The following WNT7A variants were observed in gnomAD, a reference collection of about 807,000 sequenced individuals.
WNT7A encodes the protein protein Wnt-7a.
Under a neutral mutation model 28.2 loss-of-function variants are expected in WNT7A, and 16 were observed. The ratio of observed to expected loss-of-function variants is 0.57; its 90% CI spans 0.38 to 0.86. The LOEUF is 0.86. Ranked by LOEUF, WNT7A falls within the 40% of genes least tolerant of loss-of-function variation. The pLI, the probability that WNT7A is intolerant of heterozygous loss-of-function variation, is 0.00. For missense variants in WNT7A, 411 were observed against 489.7 expected, an observed-to-expected ratio of 0.84 and a Z score of 1.52; for synonymous variants, 190 against 195.9, an observed-to-expected ratio of 0.97 and a Z score of 0.25.
At chr3:13,861,137 T>C (rs1694821661) in intron 2 of WNT7A, among the ~76,000 whole-genome samples, 1 of 152,182 alleles carries the variant, frequency 6.6e-6, no homozygotes, top group Non-Finnish European at 1.5e-5. Flanking sequence ...ACCATTCCAG[T>C]CCTACTGACT....
At position 13,854,572 on chromosome 3, in the gene WNT7A, C is replaced by T. The variant is rs779459302; in HGVS notation, c.530G>A (p.Arg177Gln). Reference sequence around the variant, plus strand: ...GTTGTTGTGCAAGTTCATGAGAGTCCGGGCATTCTGCTTGATCTCCCGGGC... The same window carrying T: ...GTTGTTGTGCAAGTTCATGAGAGTCTGGGCATTCTGCTTGATCTCCCGGGC... ...VDAREIKQNARTLMNLHNNEA... is the reference protein window; with the variant it reads ...VDAREIKQNAQTLMNLHNNEA... Residue 177 changes from arginine (R) to glutamine (Q), a missense_variant, in exon 3 of 4, where the codon CGG becomes CAG. By Grantham distance (43) the Arg-to-Gln change is conservative. Coordinates refer to ENST00000285018, the MANE Select transcript of WNT7A (RefSeq NM_004625.4). 23 of 1,614,046 alleles carry T rather than the reference C, an allele frequency of 1.4e-5. No individual in the cohort carries two copies. Among genetic ancestry groups the T allele is most frequent in the Non-Finnish European group, 1.7e-5 (20 of 1,180,048 alleles).
chr3:13,852,637 C>T (rs1321866868), intron 3 of WNT7A, among the ~76,000 whole-genome samples: 1 of 152,154 alleles, frequency 6.6e-6, no homozygotes, highest in African/African-American at 2.4e-5. Context: ...TGGGGTGTCC[C>T]ATGGCAGCAA....
At chr3:13,828,638 G>A (rs937293417) in intron 3 of WNT7A, among the ~76,000 whole-genome samples, 17 of 152,184 alleles carry the variant, frequency 1.1e-4, no homozygotes, top group African/African-American at 4.1e-4. Context: ...GCCTAAAAAG[G>A]CCTTTGGAAG....
chr3:13,868,582 GA>G (rs1694950572), intron 2 of WNT7A, among the ~76,000 whole-genome samples: 5 of 16,922 alleles, frequency 3.0e-4, no homozygotes, highest in Non-Finnish European at 4.0e-4. Flanking sequence ...GAGAGAGAGA[GA>G]GAGAGAGGGA....
chr3:13,824,280 G>A (rs1052056474), intron 3 of WNT7A, among the ~76,000 whole-genome samples: 4 of 152,014 alleles, frequency 2.6e-5, no homozygotes, highest in Non-Finnish European at 4.4e-5. Context: ...CCAGGCAGCC[G>A]CTAATCTACC....
Position 13,818,830 on chromosome 3 carries a change from C to G in WNT7A, c.*114G>C. The G allele has an allele frequency of 7.0e-7, 1 of 1,429,076 alleles. No homozygotes were observed. Among genetic ancestry groups the G allele is most frequent in the East Asian group, 2.5e-5 (1 of 40,480 alleles). The allele number at this position is 1,429,076 out of a possible 1,614,324, so 88.5% of individuals were successfully genotyped here. A position where few individuals can be genotyped will look rare whatever the true frequency, so the allele number is the denominator to read the frequency against. On this transcript the variant is annotated 3_prime_UTR_variant, in exon 4 of 4. Transcript: ENST00000285018. The stretch of plus-strand genomic sequence containing the variant: ...CCTGCAGGAAACCCAGGAAAAGTAC[C>G]CTCCTCAGCAGAAAAGACAAGCTCA...
At chr3:13,866,374 G>A (rs1694910076) in intron 2 of WNT7A, among the ~76,000 whole-genome samples, 1 of 152,236 alleles carries the variant, frequency 6.6e-6, no homozygotes, top group Admixed American at 6.5e-5. Context: ...TGTGGGAATG[G>A]TGCCATTATC....
intron 2 of WNT7A, among the ~76,000 whole-genome samples, chr3:13,862,685 T>C (rs1307880495): frequency 6.6e-6 from 1 of 152,062 alleles, no homozygotes; most frequent in African/African-American, 2.4e-5. Flanking sequence ...GGGCGGAGCT[T>C]GGTAAGGTAA....
At chr3:13,837,392 C>T (rs12634112) in intron 3 of WNT7A, among the ~76,000 whole-genome samples, 26,067 of 150,464 alleles carry the variant, frequency 0.17, 2,864 homozygotes, top group African/African-American at 0.31. Context: ...CCCCGGCCAC[C>T]TGAGGTACTT....
At chr3:13,864,766 T>C (rs1465342152) in intron 2 of WNT7A, among the ~76,000 whole-genome samples, 4 of 152,208 alleles carry the variant, frequency 2.6e-5, no homozygotes, top group African/African-American at 9.7e-5. Context: ...AAATATTATA[T>C]ACTTATATTG....
intron 1 of WNT7A, 118 bp downstream of exon 1, chr3:13,879,628 G>T: frequency 8.7e-7 from 1 of 1,154,126 alleles, no homozygotes; most frequent in Non-Finnish European, 1.2e-6. Context: ...GCACCCACCC[G>T]GCCTCTCAGA....
intron 2 of WNT7A, among the ~76,000 whole-genome samples, chr3:13,857,943 G>A (rs571527996): frequency 6.6e-6 from 1 of 152,302 alleles, no homozygotes; most frequent in East Asian, 1.9e-4. Context: ...GCATGAGGAA[G>A]TGGCCCCAAA....
At chr3:13,864,413 C>T (rs745944296) in intron 2 of WNT7A, among the ~76,000 whole-genome samples, 6 of 152,166 alleles carry the variant, frequency 3.9e-5, no homozygotes, top group African/African-American at 7.2e-5. Context: ...CTGTCTGCGT[C>T]GCCCAGCCAA....
At chr3:13,861,291 C>T (rs1694827672) in intron 2 of WNT7A, among the ~76,000 whole-genome samples, 2 of 152,366 alleles carry the variant, frequency 1.3e-5, no homozygotes, top group South Asian at 4.1e-4. Flanking sequence ...CCTGCCCCTC[C>T]CTCCTGCCCA....
At chr3:13,849,044 G>A (rs757981407) in intron 3 of WNT7A, among the ~76,000 whole-genome samples, 4 of 152,212 alleles carry the variant, frequency 2.6e-5, no homozygotes, top group Non-Finnish European at 5.9e-5. Context: ...AATAATGAAA[G>A]TATACAAGTG....
intron 3 of WNT7A, among the ~76,000 whole-genome samples, chr3:13,853,224 C>T (rs993312913): frequency 9.9e-5 from 15 of 152,136 alleles, no homozygotes; most frequent in East Asian, 1.9e-4. Context: ...CCTCTGTCCT[C>T]GGTATGCTTA....
At chr3:13,868,347 G>A (rs1424916485) in intron 2 of WNT7A, among the ~76,000 whole-genome samples, 1 of 151,858 alleles carries the variant, frequency 6.6e-6, no homozygotes, top group Non-Finnish European at 1.5e-5. Flanking sequence ...AAAAGAATTA[G>A]CCAGGTGAGG....
chr3:13,823,332 G>A (rs1034543576), intron 3 of WNT7A, among the ~76,000 whole-genome samples: 2 of 152,186 alleles, frequency 1.3e-5, no homozygotes, highest in African/African-American at 4.8e-5. Context: ...AAGATGACAC[G>A]GCTCCATGCA....
intron 2 of WNT7A, among the ~76,000 whole-genome samples, chr3:13,856,544 A>T (rs1183979914): frequency 6.6e-6 from 1 of 152,216 alleles, no homozygotes; most frequent in East Asian, 1.9e-4. Context: ...GGGGCCAGGC[A>T]TGGTGGCTTA....
Sources: gnomAD v4.1 joint callset for allele counts (sites outside exome capture counted in the v4.1 genomes callset) on GRCh38, gnomAD v4.1.1 for gene constraint, MANE v1.5 for transcripts, NCBI Gene and HGNC (gene_info 2026-07-23, HGNC 2026-07-21) for gene names.